The following CCDC149 variants were observed in gnomAD, a reference collection of about 807,000 sequenced individuals.
CCDC149 encodes coiled-coil domain containing 149.
A neutral mutation model predicts 59.9 loss-of-function variants in CCDC149; 45 were observed. The observed-to-expected ratio is 0.75, with a 90% CI of 0.59 to 0.96. CCDC149 has a LOEUF of 0.96. Ranked by LOEUF, CCDC149 falls within the 40% of genes least tolerant of loss-of-function variation. The probability of loss-of-function intolerance (pLI) is 0.00; values close to 1 mark genes in which losing one functional copy is unlikely to be tolerated. For missense variants in CCDC149, 584 were observed against 664.7 expected (o/e 0.88, Z 1.33); for synonymous variants, 245 against 260.6 (o/e 0.94, Z 0.58).
intron 1 of CCDC149, among the ~76,000 whole-genome samples, chr4:24,979,745 G>A (rs1724389663): frequency 2.0e-5 from 3 of 152,168 alleles, no homozygotes; most frequent in Admixed American, 2.0e-4. Context: ...TGGTGGCCAA[G>A]TTCTCATTGT....
intron 3 of CCDC149, among the ~76,000 whole-genome samples, chr4:24,872,963 GGTAT>G (rs1719137944): frequency 1.3e-5 from 1 of 78,002 alleles, no homozygotes; most frequent in Non-Finnish European, 3.0e-5. Flanking sequence ...CCCACTGAAT[GGTAT>G]GCACCCGCAG....
intron 1 of CCDC149, among the ~76,000 whole-genome samples, chr4:24,961,732 G>A (rs1723640314): frequency 6.6e-6 from 1 of 152,130 alleles, no homozygotes; most frequent in Non-Finnish European, 1.5e-5. Context: ...TTTAATATAT[G>A]GTGCTGGGAA....
intron 1 of CCDC149, among the ~76,000 whole-genome samples, chr4:24,970,735 C>A (rs2109367031): frequency 6.6e-6 from 1 of 152,252 alleles, no homozygotes. Flanking sequence ...GATGTTGTAC[C>A]TGGGGGTGGC....
chr4:24,831,733 A>G (rs1716168097), intron 8 of CCDC149, 83 bp from the exon 9 acceptor site: 2 of 1,263,828 alleles, frequency 1.6e-6, no homozygotes, highest in Non-Finnish European at 2.2e-6. Flanking sequence ...CTTCTTGGAT[A>G]ATGATATGTC....
intron 1 of CCDC149, among the ~76,000 whole-genome samples, chr4:24,979,581 A>G (rs541826434): frequency 6.6e-6 from 1 of 152,300 alleles, no homozygotes; most frequent in Admixed American, 6.5e-5. Flanking sequence ...CAATGTAATG[A>G]TTTCTAACTC....
chr4:24,882,271 G>A (rs1719888940), intron 1 of CCDC149, among the ~76,000 whole-genome samples: 2 of 152,200 alleles, frequency 1.3e-5, no homozygotes, highest in Admixed American at 6.5e-5. Context: ...AGTGGAAACA[G>A]TAAGGTTTCC....
chr4:24,905,709 T>C (rs1483841192), intron 1 of CCDC149, among the ~76,000 whole-genome samples: 1 of 152,218 alleles, frequency 6.6e-6, no homozygotes, highest in Non-Finnish European at 1.5e-5. Context: ...ATGCTGGCAT[T>C]ACAGGCGTGA....
chr4:24,930,661 C>G (rs574729714), intron 1 of CCDC149, among the ~76,000 whole-genome samples: 71 of 152,208 alleles, frequency 4.7e-4, no homozygotes, highest in African/African-American at 1.6e-3. Context: ...CTCCCTGCCC[C>G]CTCAATGAGG....
chr4:24,898,741 T>C (rs1466383739), intron 1 of CCDC149, among the ~76,000 whole-genome samples: 1 of 152,166 alleles, frequency 6.6e-6, no homozygotes, highest in Admixed American at 6.5e-5. Flanking sequence ...AAATGCAATG[T>C]ACCACTCATT....
chr4:24,904,107 T>C (rs530542948), intron 1 of CCDC149, among the ~76,000 whole-genome samples: 113 of 152,350 alleles, frequency 7.4e-4, no homozygotes, highest in African/African-American at 2.6e-3. Context: ...GCCTTAATTT[T>C]TACTTTTCAA....
chr4:24,864,367 G>A (rs946472804), intron 3 of CCDC149, among the ~76,000 whole-genome samples: 9 of 152,112 alleles, frequency 5.9e-5, no homozygotes, highest in African/African-American at 2.2e-4. Context: ...GGCCTTTTGA[G>A]ATGTCTTTCT....
chr4:24,831,508 G>A lies in CCDC149; in HGVS notation c.963C>T (p.Asn321=). Residue 321 remains asparagine, a splice_region_variant and synonymous_variant, in exon 9 of 13, where the codon AAC becomes AAT. Coordinates refer to ENST00000635206, the MANE Select transcript of CCDC149 (RefSeq NM_001330643.2). ...AACACAAGAGTTTGGCCACCTACTT[G>A]TTGGTTTGCCTCTGGTGCTGAATGA... is the stretch of plus-strand genomic sequence containing the variant. 6.2e-7 allele frequency: 1 copy of A among 1,613,768 alleles called. No individual in the cohort carries two copies. Among genetic ancestry groups the A allele is most frequent in the Non-Finnish European group, 8.5e-7 (1 of 1,179,902 alleles).
chr4:24,885,478 T>A (rs984898868), intron 1 of CCDC149, among the ~76,000 whole-genome samples: 6 of 152,138 alleles, frequency 3.9e-5, no homozygotes, highest in African/African-American at 1.2e-4. Context: ...GATCACGGTG[T>A]CTAATGCAGT....
At chr4:24,820,086 T>G in intron 11 of CCDC149, 111 bp from the exon 12 acceptor site, 1 of 713,816 alleles carries the variant, frequency 1.4e-6, no homozygotes, top group Non-Finnish European at 2.4e-6. Flanking sequence ...ACACTACCAT[T>G]GAAGGGAAGC....
chr4:24,808,640 C>T lies in CCDC149; in HGVS notation c.1372G>A (p.Gly458Arg). Reference sequence around the variant, plus strand: ...TTTGTCAGTTTAATTATTTCCCTCCCAAGGCTGTTTACTTCTTCCTCAGAA... The same window carrying T: ...TTTGTCAGTTTAATTATTTCCCTCCTAAGGCTGTTTACTTCTTCCTCAGAA... The change falls in exon 13 of 13, where the codon GGG becomes AGG. Residue 458 changes from glycine (G) to arginine (R), a missense_variant. Transcript: ENST00000635206. 6.4e-7 allele frequency: 1 copy of T among 1,552,394 alleles called. No individual in the cohort carries two copies. Among genetic ancestry groups the T allele is most frequent in the South Asian group, 1.2e-5 (1 of 84,054 alleles).
chr4:24,851,852 C>T (rs1249200363), intron 4 of CCDC149, among the ~76,000 whole-genome samples: 1 of 152,030 alleles, frequency 6.6e-6, no homozygotes, highest in African/African-American at 2.4e-5. Context: ...TGAATAAAAC[C>T]ACGAGCGGCT....
chr4:24,912,646 G>A (rs1721943120), intron 1 of CCDC149, among the ~76,000 whole-genome samples, 171 bp downstream of exon 1: 2 of 152,162 alleles, frequency 1.3e-5, no homozygotes, highest in African/African-American at 4.8e-5. Flanking sequence ...AGACCCGAAA[G>A]TGCAGGAGGA....
At chr4:24,856,001 T>C (rs527956927) in intron 3 of CCDC149, among the ~76,000 whole-genome samples, 10 of 152,320 alleles carry the variant, frequency 6.6e-5, no homozygotes, top group African/African-American at 2.4e-4. Flanking sequence ...TAGCAACACA[T>C]AGTTATTTGA....
intron 1 of CCDC149, among the ~76,000 whole-genome samples, chr4:24,950,714 T>G (rs539564593): frequency 6.6e-6 from 1 of 152,370 alleles, no homozygotes; most frequent in South Asian, 2.1e-4. Context: ...CAAGTTCCTT[T>G]ATTTTTCATT....
Sources: allele counts gnomAD v4.1 joint callset (sites outside exome capture counted in the v4.1 genomes callset), GRCh38; gene constraint gnomAD v4.1.1; transcripts MANE v1.5; gene names NCBI Gene and HGNC (gene_info 2026-07-23, HGNC 2026-07-21).